Variants in PTH1R observed in about 807,000 individuals in gnomAD.
PTH1R encodes the protein parathyroid hormone/parathyroid hormone-related peptide receptor.
Under a neutral mutation model 70.7 loss-of-function variants are expected in PTH1R, and 32 were observed. The observed-to-expected ratio is 0.45, with a 90% confidence interval of 0.34 to 0.61. The LOEUF is 0.61. Ranked by LOEUF, PTH1R falls within the 20% of genes least tolerant of loss-of-function variation. PTH1R has a pLI of 0.01. For synonymous variants in PTH1R, 329 were observed against 324.8 expected, an observed-to-expected ratio of 1.01 and a Z score of -0.14; for missense variants, 626 against 792.5, an observed-to-expected ratio of 0.79 and a Z score of 2.52.
Position 46,879,042 on chromosome 3 carries a change from T to C in PTH1R, c.-106+1199T>C, listed in dbSNP as rs2030396848. On this transcript the variant is annotated intron_variant, in intron 1 of 15. Coordinates refer to ENST00000449590, the MANE Select transcript of PTH1R (RefSeq NM_000316.3). The surrounding 1 kb of genome is among the most constrained non-coding windows in gnomAD (Gnocchi z 4.7). ...CTGCCAGGTGCTTGGGTGCTACCAG[T>C]TAATGTGTGACACCCCCACCCTCAT... Among the ~76,000 whole-genome samples, 1 of 152,110 alleles carries C rather than the reference T, an allele frequency of 6.6e-6. No individual in the cohort carries two copies. Among genetic ancestry groups the C allele is most frequent in the Admixed American group, 6.5e-5 (1 of 15,278 alleles).
At chr3:46,881,147 A>G (rs2030531414) in intron 2 of PTH1R, 29 bp downstream of exon 2, 1 of 152,260 alleles carries the variant, frequency 6.6e-6, no homozygotes. Context: ...GCTGTTGCTT[A>G]GCCCAGACTC....
chr3:46,890,267 C>T (rs1325308160), intron 3 of PTH1R, among the ~76,000 whole-genome samples: 1 of 152,268 alleles, frequency 6.6e-6, no homozygotes, highest in South Asian at 2.1e-4. Context: ...CTGCCCCTCA[C>T]TGTCACCTGC....
At chr3:46,881,456 G>A (rs1280833593) in intron 2 of PTH1R, among the ~76,000 whole-genome samples, 1 of 152,198 alleles carries the variant, frequency 6.6e-6, no homozygotes, top group Non-Finnish European at 1.5e-5. Context: ...GGGAACGGGG[G>A]AGGGAGGTGA....
chr3:46,901,539 G>A lies in PTH1R; in HGVS notation c.1116+59G>A, dbSNP rs1269296798. The A allele has an allele frequency of 1.8e-5, 27 of 1,538,916 alleles. No homozygotes were observed. Among genetic ancestry groups the A allele is most frequent in the South Asian group, 2.4e-5 (2 of 83,858 alleles). On this transcript the variant is annotated intron_variant, in intron 12 of 15. Coordinates refer to ENST00000449590, the MANE Select transcript of PTH1R (RefSeq NM_000316.3). This position sits in a 1 kb window ranked among gnomAD's most constrained non-coding sequence, Gnocchi z 7.3. ...GGTGGGATGTGCGCCTGCGTCCCCT[G>A]GAACCAGCCCCTGACAGGGACCTAG...
Position 46,902,452 on chromosome 3 carries a change from C to A in PTH1R, c.1212-74C>A. ...TTGAGCTTCCGGAGCCTGGGGCTCG[C>A]AGGGTGGGGGGTGGCACAATGCTTG... On this transcript the variant is annotated intron_variant, in intron 13 of 15. Transcript: ENST00000449590. This position sits in a 1 kb window ranked among gnomAD's most constrained non-coding sequence, Gnocchi z 5.4. 2 of 1,579,428 alleles carry A rather than the reference C, an allele frequency of 1.3e-6. No homozygotes were observed. The highest frequency in any genetic ancestry group is 1.7e-6 in the Non-Finnish European group (2 of 1,163,048).
rs76782870 is a variant in PTH1R, at chr3:46,879,916, A to G, written c.-105-1146A>G. ...TAGCCAGGCGTGGTGGTGCACAACT[A>G]TAATGCCAGCTACTCAGGAGGCTGA... On this transcript the variant is annotated intron_variant, in intron 1 of 15. Coordinates refer to ENST00000449590, the MANE Select transcript of PTH1R (RefSeq NM_000316.3). This position sits in a 1 kb window ranked among gnomAD's most constrained non-coding sequence, Gnocchi z 4.7. Among the ~76,000 whole-genome samples the G allele has an allele frequency of 2.6e-5, 4 of 152,150 alleles. No homozygotes were observed. The South Asian group carries it at 8.3e-4, about 32-fold the overall frequency.
At chr3:46,898,983 A>G (rs1050065964) in intron 9 of PTH1R, 126 bp downstream of exon 9, 2 of 758,182 alleles carry the variant, frequency 2.6e-6, no homozygotes, top group African/African-American at 3.6e-5. Context: ...TCAGCCACTC[A>G]AACCCGTCTT....
Position 46,883,514 on chromosome 3 carries a change from C to CCGG in PTH1R, c.-35_-33dup, listed in dbSNP as rs775859348. The CCGG allele has an allele frequency of 1.4e-6, 2 of 1,459,014 alleles. No individual in the cohort carries two copies. The highest frequency in any genetic ancestry group is 9.0e-7 in the Non-Finnish European group (1 of 1,109,096). 90.4% of individuals were successfully genotyped at this position (1,459,014 alleles called of 1,614,324 possible). ...TCTGCACCCCCTACCACCACCAGGG[C>CCGG]CGGCGGCGGCGGCTGCCCCGAGGGA... On this transcript the variant is annotated 5_prime_UTR_variant, in exon 3 of 16. Transcript: ENST00000449590. The surrounding 1 kb of genome is among the most constrained non-coding windows in gnomAD (Gnocchi z 6.4).
chr3:46,880,549 G>A (rs545618374), intron 1 of PTH1R, among the ~76,000 whole-genome samples: 1 of 152,226 alleles, frequency 6.6e-6, no homozygotes, highest in South Asian at 2.1e-4. Flanking sequence ...TGACCAGCCT[G>A]GTCAACATGG....
chr3:46,899,192 G>C, intron 9 of PTH1R, 111 bp from the exon 10 acceptor site: 1 of 1,451,046 alleles, frequency 6.9e-7, no homozygotes, highest in Admixed American at 1.8e-5. Context: ...CCCCTTCCTG[G>C]CCTGTTTGGC....
Position 46,901,187 on chromosome 3 carries a change from C to A in PTH1R, c.1049+102C>A. On this transcript the variant is annotated intron_variant, in intron 11 of 15. Transcript: ENST00000449590. This position sits in a 1 kb window ranked among gnomAD's most constrained non-coding sequence, Gnocchi z 7.3. The stretch of plus-strand genomic sequence containing the variant: ...CCTCCTGTACCCTGGCCTCAAACGG[C>A]CCAGCCTCAGGAGTTCTCAGTCCAG... 7.0e-7 allele frequency: 1 copy of A among 1,429,960 alleles called. No individual in the cohort carries two copies. Among genetic ancestry groups the A allele is most frequent in the Non-Finnish European group, 9.6e-7 (1 of 1,039,286 alleles). The allele number at this position is 1,429,960 out of a possible 1,614,324, so 88.6% of individuals were successfully genotyped here.
Position 46,899,377 on chromosome 3 carries a change from G to A in PTH1R, c.909G>A (p.Gly303=), listed in dbSNP as rs971369909. ...ACTACTACTGGATTCTGGTGGAGGG[G>A]CTGTACCTGCACAGCCTCATCTTCA... ...ATNYYWILVE[G]LYLHSLIFMA... The change falls in exon 10 of 16, where the codon GGG becomes GGA. Residue 303 remains glycine (G), a synonymous_variant. Coordinates refer to ENST00000449590, the MANE Select transcript of PTH1R (RefSeq NM_000316.3). 3.7e-6 allele frequency: 6 copies of A among 1,613,874 alleles called. No individual in the cohort carries two copies. The highest frequency in any genetic ancestry group is 1.7e-4 in the Middle Eastern group (1 of 5,906).
rs540920290 is a variant in PTH1R, at chr3:46,883,148, A to AAAAGAAAGAAAGAAAG, written c.-48-348_-48-333dup. 5.1e-4 allele frequency among the ~76,000 whole-genome samples: 72 copies of AAAAGAAAGAAAGAAAG among 142,234 alleles called. No individual in the cohort carries two copies. The highest frequency in any genetic ancestry group is 1.4e-3 in the South Asian group (6 of 4,420). 93.3% of individuals were successfully genotyped at this position (142,234 alleles called of 152,430 possible). A position where few individuals can be genotyped will look rare whatever the true frequency, so the allele number is the denominator to read the frequency against. On this transcript the variant is annotated intron_variant, in intron 2 of 15. Transcript: ENST00000449590. This position sits in a 1 kb window ranked among gnomAD's most constrained non-coding sequence, Gnocchi z 6.4. The stretch of plus-strand genomic sequence containing the variant: ...AGCTCCCATTTCCCCAAAAGAAAAA[A>AAAAGAAAGAAAGAAAG]AAAGAAAGAAAGAAAGAAAGAAAGA...
Position 46,893,694 on chromosome 3 carries a change from G to A in PTH1R, c.76-213G>A, listed in dbSNP as rs557454475. Among the ~76,000 whole-genome samples the A allele has an allele frequency of 2.0e-4, 30 of 152,230 alleles. No homozygotes were observed. The highest frequency in any genetic ancestry group is 3.4e-4 in the Non-Finnish European group (23 of 68,016). On this transcript the variant is annotated intron_variant, in intron 3 of 15. Transcript: ENST00000449590. This position sits in a 1 kb window ranked among gnomAD's most constrained non-coding sequence, Gnocchi z 5.2. ...GAGAGAGCCCCTGCTTTTTCCCTTC[G>A]ATCAGGCAGGCCCTACCCCTCAGAG... is the stretch of plus-strand genomic sequence containing the variant.
intron 4 of PTH1R, 139 bp from the exon 5 acceptor site, chr3:46,895,596 A>G: frequency 7.6e-7 from 1 of 1,311,294 alleles, no homozygotes; most frequent in Non-Finnish European, 1.1e-6. Context: ...ATCGTCTCAG[A>G]TCTCCCAACA....
Position 46,901,022 on chromosome 3 carries a change from C to A in PTH1R, c.989-3C>A. Reference sequence around the variant, plus strand: ...TGCACACTGTCCCCCTCTGTGCCCACAGGTCTGCCCGCTGTCTTCGTGGCT... The same window carrying A: ...TGCACACTGTCCCCCTCTGTGCCCAAAGGTCTGCCCGCTGTCTTCGTGGCT... On this transcript the variant is annotated splice_region_variant and splice_polypyrimidine_tract_variant and intron_variant, in intron 10 of 15. Coordinates refer to ENST00000449590, the MANE Select transcript of PTH1R (RefSeq NM_000316.3). The surrounding 1 kb of genome is among the most constrained non-coding windows in gnomAD (Gnocchi z 7.3). 6.3e-7 allele frequency: 1 copy of A among 1,581,168 alleles called. No individual in the cohort carries two copies. Among genetic ancestry groups the A allele is most frequent in the Non-Finnish European group, 8.6e-7 (1 of 1,162,086 alleles).
chr3:46,899,159 G>A (rs1016391519), intron 9 of PTH1R, 144 bp from the exon 10 acceptor site: 54 of 1,091,368 alleles, frequency 4.9e-5, no homozygotes, highest in Non-Finnish European at 7.0e-5. Context: ...ATCCCCCTGA[G>A]AGAGCCCCCC....
rs530693931 is a variant in PTH1R, at chr3:46,878,018, A to G, written c.-106+175A>G. 3.9e-5 allele frequency among the ~76,000 whole-genome samples: 6 copies of G among 152,348 alleles called. No individual in the cohort carries two copies. In the South Asian group the frequency reaches 1.2e-3, roughly 32 times the overall value. On this transcript the variant is annotated intron_variant, in intron 1 of 15. Transcript: ENST00000449590. ...TTATGACAGCAGGGGGCTTGTAACC[A>G]TGAGGCCAGCAGGGACAGAAAGCCC...
chr3:46,898,934 G>C, intron 9 of PTH1R, 77 bp downstream of exon 9: 1 of 1,071,032 alleles, frequency 9.3e-7, no homozygotes. Flanking sequence ...GCTCCAGCCC[G>C]GCCCTCGCCC....
Sources: allele counts gnomAD v4.1 joint callset (sites outside exome capture counted in the v4.1 genomes callset), GRCh38; gene constraint gnomAD v4.1.1; non-coding constraint Gnocchi (gnomAD v3.1); transcripts MANE v1.5; gene names NCBI Gene and HGNC (gene_info 2026-07-23, HGNC 2026-07-21).